The following DNAJC3 variants were observed in gnomAD, a reference collection of about 807,000 sequenced individuals.
DNAJC3 encodes DnaJ heat shock protein family (Hsp40) member C3.
In DNAJC3, 38 loss-of-function variants were observed where a neutral mutation model predicts 68.6. That is an observed-to-expected ratio of 0.55 (90% confidence interval 0.43 to 0.73). DNAJC3 has a LOEUF of 0.73. DNAJC3 is among the 30% of genes least tolerant of loss of function. The probability of loss-of-function intolerance (pLI) is 0.00; values close to 1 mark genes in which losing one functional copy is unlikely to be tolerated. For missense variants in DNAJC3, 526 were observed against 591.9 expected, an observed-to-expected ratio of 0.89 and a Z score of 1.16; for synonymous variants, 203 against 204.0, an observed-to-expected ratio of 1.00 and a Z score of 0.04.
At chr13:95,723,211 G>T in intron 2 of DNAJC3, 31 bp from the exon 3 acceptor site, 3 of 1,541,494 alleles carry the variant, frequency 1.9e-6, no homozygotes, top group Non-Finnish European at 2.6e-6. Context: ...TTGAATAAAT[G>T]ACTAAGAGGT....
At chr13:95,738,772 T>C (rs973861346) in intron 4 of DNAJC3, among the ~76,000 whole-genome samples, 9 of 152,240 alleles carry the variant, frequency 5.9e-5, no homozygotes, top group Non-Finnish European at 1.2e-4. Context: ...CTTGACTCTT[T>C]ATCCAGTTTG....
intron 2 of DNAJC3, among the ~76,000 whole-genome samples, chr13:95,718,591 G>A (rs1399788970): frequency 6.6e-6 from 1 of 152,166 alleles, no homozygotes; most frequent in African/African-American, 2.4e-5. Context: ...AGTAGAGACG[G>A]TGTTTCACCA....
chr13:95,720,807 A>C (rs1881296839), intron 2 of DNAJC3, among the ~76,000 whole-genome samples: 1 of 151,762 alleles, frequency 6.6e-6, no homozygotes, highest in South Asian at 2.1e-4. Flanking sequence ...AGATTTAAGA[A>C]AAAGAAGGTT....
chr13:95,721,790 C>T (rs767245855), intron 2 of DNAJC3, among the ~76,000 whole-genome samples: 12 of 151,948 alleles, frequency 7.9e-5, no homozygotes, highest in Non-Finnish European at 1.6e-4. Context: ...TGTCTTCTTT[C>T]ATGTTTGGTT....
At chr13:95,709,169 T>C in intron 1 of DNAJC3, 58 bp from the exon 2 acceptor site, 1 of 1,229,430 alleles carries the variant, frequency 8.1e-7, no homozygotes, top group Non-Finnish European at 1.1e-6. Context: ...ATTATATTTT[T>C]TAGAATTAAA....
rs1882775029 is a variant in DNAJC3, at chr13:95,760,083, G to A, written c.590G>A (p.Cys197Tyr). Reference sequence around the variant, plus strand: ...GAACTACGGGAACTTCGAGCTGAATGTTTTATAAAAGAAGGAGAACCTAGG... The same window carrying A: ...GAACTACGGGAACTTCGAGCTGAATATTTTATAAAAGAAGGAGAACCTAGG... The part of the protein sequence containing the change: ...DAELRELRAE[C>Y]FIKEGEPRKA... Residue 197 changes from cysteine to tyrosine, a missense_variant, in exon 6 of 12, where the codon TGT becomes TAT. Physicochemically the swap from Cys to Tyr is radical, Grantham distance 194. Transcript: ENST00000602402. 1 of 1,609,898 alleles carries A rather than the reference G, an allele frequency of 6.2e-7. No homozygotes were observed. Among genetic ancestry groups the A allele is most frequent in the Non-Finnish European group, 8.5e-7 (1 of 1,177,740 alleles).
chr13:95,683,425 A>G (rs2139597121), intron 1 of DNAJC3, among the ~76,000 whole-genome samples: 1 of 152,230 alleles, frequency 6.6e-6, no homozygotes, highest in Admixed American at 6.5e-5. Flanking sequence ...CAGAGCTGTT[A>G]TTGTGATAGA....
rs1488944301 is a variant in DNAJC3 at position 95,735,516 on chromosome 13, A to C, written c.393+10264A>C. Among the ~76,000 whole-genome samples the C allele has an allele frequency of 3.3e-4, 49 of 150,156 alleles. No homozygotes were observed. The South Asian group carries it at 7.0e-3, about 21-fold the overall frequency. ...TGACTTTTTAATGATTGCCATTCTA[A>C]CTGGTGTGAGTTGGTATCTCATTGT... On this transcript the variant is annotated intron_variant, in intron 4 of 11. Coordinates refer to ENST00000602402, the MANE Select transcript of DNAJC3 (RefSeq NM_006260.5).
At position 95,791,173 on chromosome 13, in the gene DNAJC3, C is replaced by T; in HGVS notation, c.*143C>T. On this transcript the variant is annotated 3_prime_UTR_variant, in exon 12 of 12. Coordinates refer to ENST00000602402, the MANE Select transcript of DNAJC3 (RefSeq NM_006260.5). ...TTGCTTTAATAGGAAAAAATCTGTT[C>T]TTATCCCTGTCAGATTTATGGTTAA... The T allele has an allele frequency of 1.1e-6, 1 of 942,046 alleles. No individual in the cohort carries two copies. Among genetic ancestry groups the T allele is most frequent in the South Asian group, 1.7e-5 (1 of 58,006 alleles). 58.4% of individuals were successfully genotyped at this position (942,046 alleles called of 1,614,324 possible).
At chr13:95,738,281 G>GA (rs1204781283) in intron 4 of DNAJC3, among the ~76,000 whole-genome samples, 11 of 150,506 alleles carry the variant, frequency 7.3e-5, no homozygotes, top group Non-Finnish European at 4.4e-5. Flanking sequence ...GTGTGGTGCT[G>GA]AAAAAAATGT....
At chr13:95,740,633 A>G (rs552589593) in intron 4 of DNAJC3, among the ~76,000 whole-genome samples, 48 of 150,784 alleles carry the variant, frequency 3.2e-4, no homozygotes, top group African/African-American at 9.4e-4. Context: ...GACCCCTTGC[A>G]CTTCCCAAGT....
chr13:95,757,370 C>T (rs1490736293), intron 4 of DNAJC3, among the ~76,000 whole-genome samples: 3 of 152,254 alleles, frequency 2.0e-5, no homozygotes, highest in Admixed American at 2.0e-4. Context: ...CTTCTCTGTC[C>T]TTTCACGTGC....
At chr13:95,681,898 A>G (rs1879924844) in intron 1 of DNAJC3, among the ~76,000 whole-genome samples, 1 of 152,134 alleles carries the variant, frequency 6.6e-6, no homozygotes, top group Non-Finnish European at 1.5e-5. Context: ...CTCAAAATTC[A>G]CTAGCTTATC....
At chr13:95,775,385 A>T (rs955336370) in intron 9 of DNAJC3, among the ~76,000 whole-genome samples, 11 of 152,250 alleles carry the variant, frequency 7.2e-5, no homozygotes, top group African/African-American at 2.7e-4. Context: ...GGAAGAACTG[A>T]GTAGACCTCA....
chr13:95,740,695 A>G (rs1232727727), intron 4 of DNAJC3, among the ~76,000 whole-genome samples: 2 of 150,648 alleles, frequency 1.3e-5, no homozygotes, highest in African/African-American at 4.9e-5. Context: ...GCACCCACTG[A>G]CCTGCGCCCA....
At chr13:95,762,674 C>T (rs983758572) in intron 7 of DNAJC3, among the ~76,000 whole-genome samples, 3 of 151,978 alleles carry the variant, frequency 2.0e-5, no homozygotes, top group Admixed American at 2.0e-4. Flanking sequence ...CATAGGTAAA[C>T]GTGTGCCATG....
chr13:95,700,671 C>T (rs1880559337), intron 1 of DNAJC3, among the ~76,000 whole-genome samples: 1 of 152,188 alleles, frequency 6.6e-6, no homozygotes, highest in Non-Finnish European at 1.5e-5. Context: ...ACTAAAATGG[C>T]AGGTAGTTGC....
intron 1 of DNAJC3, among the ~76,000 whole-genome samples, chr13:95,698,746 C>T (rs998413761): frequency 2.8e-4 from 43 of 152,090 alleles, no homozygotes; most frequent in South Asian, 8.3e-4. Flanking sequence ...TGTGGGAGAC[C>T]ATTTTATGTA....
chr13:95,686,730 G>T (rs1880082578), intron 1 of DNAJC3, among the ~76,000 whole-genome samples: 1 of 152,216 alleles, frequency 6.6e-6, no homozygotes, highest in Non-Finnish European at 1.5e-5. Flanking sequence ...GTAGTCCATT[G>T]ATCTGTGTGC....
Sources: allele counts gnomAD v4.1 joint callset (sites outside exome capture counted in the v4.1 genomes callset), GRCh38; gene constraint gnomAD v4.1.1; transcripts MANE v1.5; gene names NCBI Gene and HGNC (gene_info 2026-07-23, HGNC 2026-07-21).